Variants in DTD1 observed in about 807,000 individuals in gnomAD.
The protein encoded by DTD1 is D-aminoacyl-tRNA deacylase 1.
DTD1 carries 13 observed loss-of-function variants against 25.6 expected under a neutral mutation model. The ratio of observed to expected loss-of-function variants is 0.51; its 90% CI spans 0.33 to 0.81. The LOEUF is 0.81. Among genes scored for constraint, DTD1 ranks in the 30% least tolerant of loss-of-function variants. DTD1 has a pLI of 0.02. For synonymous variants in DTD1, 110 were observed against 103.6 expected (o/e 1.06, Z -0.37); for missense variants, 193 against 266.4 (o/e 0.72, Z 1.92).
At chr20:18,640,212 G>C (rs948377026) in intron 4 of DTD1, among the ~76,000 whole-genome samples, 1 of 151,742 alleles carries the variant, frequency 6.6e-6, no homozygotes, top group Non-Finnish European at 1.5e-5. Flanking sequence ...TTTTTTAATA[G>C]TAAGCTTTTA....
At chr20:18,617,062 G>A (rs562592682) in intron 3 of DTD1, among the ~76,000 whole-genome samples, 9 of 151,960 alleles carry the variant, frequency 5.9e-5, no homozygotes, top group Admixed American at 1.3e-4. Flanking sequence ...AATTTCCTCC[G>A]CACTTCTGGC....
intron 4 of DTD1, among the ~76,000 whole-genome samples, chr20:18,717,192 T>C (rs1292741373): frequency 1.3e-5 from 2 of 152,208 alleles, no homozygotes; most frequent in African/African-American, 4.8e-5. Flanking sequence ...GAGAGATGAC[T>C]GCTCACGGGA....
chr20:18,626,725 G>A lies in DTD1; in HGVS notation c.371-1402G>A, dbSNP rs115136898. Among the ~76,000 whole-genome samples, 260 of 152,104 alleles carry A rather than the reference G, an allele frequency of 1.7e-3. 1 individual carries two copies. The highest frequency in any genetic ancestry group is 6.1e-3 in the African/African-American group (252 of 41,484). ...ATGTCTTTGGATTTATCATCTGTACGGATGGAAATTCACATAATAGTTCTA... is the reference window on the plus strand; with the variant it reads ...ATGTCTTTGGATTTATCATCTGTACAGATGGAAATTCACATAATAGTTCTA... On this transcript the variant is annotated intron_variant, in intron 3 of 5. Transcript: ENST00000377452.
At chr20:18,754,299 A>G (rs1372428569) in intron 5 of DTD1, among the ~76,000 whole-genome samples, 1 of 152,200 alleles carries the variant, frequency 6.6e-6, no homozygotes, top group Non-Finnish European at 1.5e-5. Flanking sequence ...GGTTGACGGC[A>G]GTAAGAGAAC....
chr20:18,710,441 A>G (rs1290505039), intron 4 of DTD1, among the ~76,000 whole-genome samples: 2 of 152,064 alleles, frequency 1.3e-5, no homozygotes, highest in African/African-American at 4.8e-5. Context: ...AAGAATTCAT[A>G]TGTAAAATAT....
intron 4 of DTD1, among the ~76,000 whole-genome samples, chr20:18,639,357 T>C (rs571823575): frequency 6.6e-6 from 1 of 152,324 alleles, no homozygotes; most frequent in African/African-American, 2.4e-5. Flanking sequence ...TTATGTATAC[T>C]ATTGTAGCTA....
chr20:18,702,831 A>G (rs549709777), intron 4 of DTD1, among the ~76,000 whole-genome samples: 4 of 151,162 alleles, frequency 2.6e-5, no homozygotes, highest in African/African-American at 9.7e-5. Context: ...TGCCTTTGCC[A>G]TATTCCTAAG....
At chr20:18,622,668 T>TA in intron 3 of DTD1, among the ~76,000 whole-genome samples, 1 of 152,216 alleles carries the variant, frequency 6.6e-6, no homozygotes, top group East Asian at 1.9e-4. Flanking sequence ...GTCTATGCTT[T>TA]AAAAAAAATT....
intron 5 of DTD1, among the ~76,000 whole-genome samples, chr20:18,761,354 C>T (rs761881855): frequency 1.3e-5 from 2 of 152,128 alleles, no homozygotes; most frequent in African/African-American, 2.4e-5. Flanking sequence ...CCTATTTGGC[C>T]ATCTTGGCTC....
In DTD1 at chr20:18,606,782, G is replaced by GT. The variant is rs1162539011; in HGVS notation, c.370+10541_370+10542insT. Among the ~76,000 whole-genome samples the GT allele has an allele frequency of 6.1e-3, 806 of 132,182 alleles. 8 individuals carry two copies. Among genetic ancestry groups the GT allele is most frequent in the African/African-American group, 0.023 (773 of 33,614 alleles). The allele number at this position is 132,182 out of a possible 152,430, so 86.7% of individuals were successfully genotyped here. ...ATCACACTCTGGGGACTGTGGTGGG[G>GT]GGGGGGAGGGGGGAGGGATAGCATT... On this transcript the variant is annotated intron_variant, in intron 3 of 5. Coordinates refer to ENST00000377452, the MANE Select transcript of DTD1 (RefSeq NM_080820.6).
chr20:18,728,393 A>T (rs2061229773), intron 4 of DTD1, among the ~76,000 whole-genome samples: 1 of 152,214 alleles, frequency 6.6e-6, no homozygotes, highest in Non-Finnish European at 1.5e-5. Flanking sequence ...TCAGTTTAAG[A>T]TAAGCCCTCT....
chr20:18,710,873 T>A (rs1600384953), intron 4 of DTD1, among the ~76,000 whole-genome samples: 3 of 152,306 alleles, frequency 2.0e-5, no homozygotes, highest in Admixed American at 2.0e-4. Flanking sequence ...ATGGGCCCGT[T>A]TTCCCTGTGT....
chr20:18,613,204 A>G (rs1168027511), intron 3 of DTD1, among the ~76,000 whole-genome samples: 1 of 152,204 alleles, frequency 6.6e-6, no homozygotes, highest in Non-Finnish European at 1.5e-5. Context: ...ATCCATCAAT[A>G]AGACACTTTA....
chr20:18,638,125 G>T (rs115361946), intron 4 of DTD1, among the ~76,000 whole-genome samples: 1,771 of 151,756 alleles, frequency 0.012, 30 homozygotes, highest in African/African-American at 0.039. Flanking sequence ...TTGCTTGCTT[G>T]TTCATTTATC....
At position 18,652,517 on chromosome 20, in the gene DTD1, C is replaced by T. The variant is rs62216972; in HGVS notation, c.477+24284C>T. The stretch of plus-strand genomic sequence containing the variant: ...CCAAGGCAGGTGCAGCCTGGAGGGC[C>T]TCAGAGGACCAAAGGACCCTTTCAG... On this transcript the variant is annotated intron_variant, in intron 4 of 5. Transcript: ENST00000377452. Among the ~76,000 whole-genome samples the T allele has an allele frequency of 9.1e-4, 139 of 152,290 alleles. 1 individual carries two copies. The highest frequency in any genetic ancestry group is 4.3e-3 in the Admixed American group (66 of 15,306).
chr20:18,654,079 CAAAT>C (rs760655920), intron 4 of DTD1, among the ~76,000 whole-genome samples: 20 of 152,164 alleles, frequency 1.3e-4, no homozygotes, highest in Non-Finnish European at 2.6e-4. Flanking sequence ...TCTGTTTAAA[CAAAT>C]AAAACTCCAG....
chr20:18,706,870 C>T (rs1714164731), intron 4 of DTD1, among the ~76,000 whole-genome samples: 2 of 152,186 alleles, frequency 1.3e-5, no homozygotes. Context: ...TTTTTAATCC[C>T]GTTAGCGGTG....
intron 4 of DTD1, among the ~76,000 whole-genome samples, chr20:18,713,912 G>A (rs572820626): frequency 2.0e-5 from 3 of 152,234 alleles, no homozygotes; most frequent in African/African-American, 4.8e-5. Flanking sequence ...TTGCCTTCAC[G>A]CAGGTGAGCT....
Position 18,656,907 on chromosome 20 carries a change from A to G in DTD1, c.477+28674A>G, listed in dbSNP as rs114519661. 5.8e-3 allele frequency among the ~76,000 whole-genome samples: 883 copies of G among 152,346 alleles called. 5 individuals carry two copies. Among genetic ancestry groups the G allele is most frequent in the African/African-American group, 0.021 (854 of 41,580 alleles). ...TCTTTTTTGTTGTTACTTTAAATAA[A>G]TTCCAGTTTTTAAACTTTTTAATTT... is the stretch of plus-strand genomic sequence containing the variant. On this transcript the variant is annotated intron_variant, in intron 4 of 5. Coordinates refer to ENST00000377452, the MANE Select transcript of DTD1 (RefSeq NM_080820.6).
Sources: allele counts gnomAD v4.1 joint callset (sites outside exome capture counted in the v4.1 genomes callset), GRCh38; gene constraint gnomAD v4.1.1; transcripts MANE v1.5; gene names NCBI Gene and HGNC (gene_info 2026-07-23, HGNC 2026-07-21).